SLC1A1: variants seen among roughly 807,000 people sequenced by gnomAD.
SLC1A1 encodes solute carrier family 1 member 1.
In SLC1A1, 43 loss-of-function variants were observed where a neutral mutation model predicts 53.3. The observed-to-expected ratio is 0.81, with a 90% CI of 0.63 to 1.04. The LOEUF (loss-of-function observed/expected upper bound fraction) is 1.04, where lower values mean the gene tolerates loss of function less well. SLC1A1 is among the 50% of genes least tolerant of loss of function. SLC1A1 has a pLI of 0.00. For missense variants in SLC1A1, 748 were observed against 664.9 expected (o/e 1.12, Z -1.37); for synonymous variants, 307 against 243.2 (o/e 1.26, Z -2.44).
intron 2 of SLC1A1, chr9:4,553,269 T>G (rs1190763133): frequency 6.6e-6 from 1 of 151,874 alleles, no homozygotes; most frequent in Non-Finnish European, 1.5e-5. Context: ...TCTGAAAAAC[T>G]GGTCCTAACT....
At position 4,585,935 on chromosome 9, in the gene SLC1A1, T is replaced by A; in HGVS notation, c.*377T>A. Reference sequence around the variant, plus strand: ...TTTAAAAAAAATATTCTGTCATTGGTTACAAATTTTTACTCAGGCTTTCTA... The same window carrying A: ...TTTAAAAAAAATATTCTGTCATTGGATACAAATTTTTACTCAGGCTTTCTA... On this transcript the variant is annotated 3_prime_UTR_variant, in exon 12 of 12. Transcript: ENST00000262352. 1.6e-4 allele frequency: 30 copies of A among 191,054 alleles called. No homozygotes were observed. The highest frequency in any genetic ancestry group is 8.1e-4 in the South Asian group (8 of 9,920). 11.8% of individuals were successfully genotyped at this position (191,054 alleles called of 1,614,324 possible).
intron 11 of SLC1A1, among the ~76,000 whole-genome samples, chr9:4,584,816 G>C (rs1007588020): frequency 2.6e-5 from 4 of 152,108 alleles, no homozygotes; most frequent in Admixed American, 6.6e-5. Flanking sequence ...CTCATAAGTA[G>C]AGTGACCTAG....
intron 1 of SLC1A1, among the ~76,000 whole-genome samples, chr9:4,526,676 A>G (rs551235567): frequency 6.6e-6 from 1 of 152,328 alleles, no homozygotes; most frequent in African/African-American, 2.4e-5. Flanking sequence ...CAAAGAATCA[A>G]TAATTCAGAT....
chr9:4,499,788 T>A (rs1257708143), intron 1 of SLC1A1, among the ~76,000 whole-genome samples: 2 of 152,194 alleles, frequency 1.3e-5, no homozygotes, highest in Non-Finnish European at 2.9e-5. Flanking sequence ...TTTAGTACAG[T>A]AAAACTACAA....
chr9:4,576,024 T>C lies in SLC1A1; in HGVS notation c.899T>C (p.Ile300Thr), dbSNP rs1820512514. ...AGGCTTGCAATCCACTCCATTGTAA[T>C]TCTCCCGCTGATATATTTCATAGTC... ...LTGLAIHSIV[I>T]LPLIYFIVVR... The change falls in exon 9 of 12, where the codon ATT becomes ACT. Residue 300 changes from isoleucine (I) to threonine (T), a missense_variant. By Grantham distance (89) the Ile-to-Thr change is moderately conservative. Transcript: ENST00000262352. 6.2e-7 allele frequency: 1 copy of C among 1,614,142 alleles called. No individual in the cohort carries two copies. The highest frequency in any genetic ancestry group is 8.5e-7 in the Non-Finnish European group (1 of 1,179,944).
chr9:4,527,830 G>A (rs142252574), intron 1 of SLC1A1, among the ~76,000 whole-genome samples: 1 of 151,998 alleles, frequency 6.6e-6, no homozygotes, highest in African/African-American at 2.4e-5. Flanking sequence ...TGGCAAAGTG[G>A]TAAGTCTTCT....
intron 10 of SLC1A1, among the ~76,000 whole-genome samples, chr9:4,582,747 TCTTA>T (rs1821215997): frequency 6.6e-6 from 1 of 152,192 alleles, no homozygotes; most frequent in South Asian, 2.1e-4. Flanking sequence ...TGAGTATCTC[TCTTA>T]CTTATTTTTT....
chr9:4,503,880 C>A (rs1040018500), intron 1 of SLC1A1, among the ~76,000 whole-genome samples: 3 of 148,222 alleles, frequency 2.0e-5, no homozygotes, highest in Non-Finnish European at 2.9e-5. Flanking sequence ...CTTTGATGAA[C>A]CAATCCCATT....
At chr9:4,492,109 C>G (rs1820256430) in intron 1 of SLC1A1, among the ~76,000 whole-genome samples, 2 of 152,016 alleles carry the variant, frequency 1.3e-5, no homozygotes, top group Non-Finnish European at 2.9e-5. Flanking sequence ...AGAAGCAAAT[C>G]TTGACTATTT....
chr9:4,545,971 T>G (rs1817458909), intron 2 of SLC1A1, among the ~76,000 whole-genome samples: 1 of 152,128 alleles, frequency 6.6e-6, no homozygotes, highest in African/African-American at 2.4e-5. Context: ...CAATTAGAAG[T>G]CGTGACATGT....
intron 11 of SLC1A1, among the ~76,000 whole-genome samples, chr9:4,584,050 C>T (rs1040655699): frequency 1.3e-5 from 2 of 152,234 alleles, no homozygotes; most frequent in South Asian, 4.1e-4. Context: ...AGGTCTGGCT[C>T]TGTCCCCTGG....
chr9:4,575,699 A>C (rs1186935093), intron 8 of SLC1A1, among the ~76,000 whole-genome samples: 1 of 152,222 alleles, frequency 6.6e-6, no homozygotes, highest in East Asian at 1.9e-4. Flanking sequence ...ACTTTTGTGC[A>C]TGTGGCAGGA....
At chr9:4,502,290 G>C (rs1213442749) in intron 1 of SLC1A1, among the ~76,000 whole-genome samples, 1 of 148,098 alleles carries the variant, frequency 6.8e-6, no homozygotes, top group Non-Finnish European at 1.5e-5. Flanking sequence ...AGGGGGCTGA[G>C]GTGAGAGGAT....
rs769183739 is a variant in SLC1A1 at position 4,544,690 on chromosome 9, T to C, written c.215T>C (p.Ile72Thr). ...MLKLIILPLI[I>T]SSMITGVAAL... ...AAACTCATCATTTTGCCATTAATTA[T>C]ATCCAGCATGATTACAGGTACCTTG... is the stretch of plus-strand genomic sequence containing the variant. The change falls in exon 2 of 12, where the codon ATA becomes ACA. Residue 72 changes from isoleucine (I) to threonine (T), a missense_variant. Physicochemically the swap from Ile to Thr is moderately conservative, Grantham distance 89 (BLOSUM62 -1). Transcript: ENST00000262352. 10 of 1,613,492 alleles carry C rather than the reference T, an allele frequency of 6.2e-6. No individual in the cohort carries two copies. The highest frequency in any genetic ancestry group is 8.5e-6 in the Non-Finnish European group (10 of 1,179,490).
chr9:4,572,907 T>C (rs1271346126), intron 7 of SLC1A1, among the ~76,000 whole-genome samples: 5 of 152,158 alleles, frequency 3.3e-5, no homozygotes, highest in Non-Finnish European at 1.5e-5. Context: ...TGAACAGAAG[T>C]CTAGCTATCA....
At chr9:4,532,499 G>A (rs1243750795) in intron 1 of SLC1A1, among the ~76,000 whole-genome samples, 1 of 152,120 alleles carries the variant, frequency 6.6e-6, no homozygotes, top group Non-Finnish European at 1.5e-5. Flanking sequence ...GAAGTGAGAA[G>A]AGAAGTTTAG....
At chr9:4,572,509 T>G in intron 7 of SLC1A1, 121 bp downstream of exon 7, 2 of 900,864 alleles carry the variant, frequency 2.2e-6, no homozygotes, top group Non-Finnish European at 3.7e-6. Flanking sequence ...CATTTAATAT[T>G]GAACCACCAG....
At chr9:4,516,619 T>C (rs1586704142) in intron 1 of SLC1A1, among the ~76,000 whole-genome samples, 1 of 152,208 alleles carries the variant, frequency 6.6e-6, no homozygotes, top group East Asian at 1.9e-4. Flanking sequence ...TATAAACAGC[T>C]GTCAACTGCC....
intron 2 of SLC1A1, among the ~76,000 whole-genome samples, chr9:4,544,928 A>C (rs1009819823): frequency 1.3e-5 from 2 of 152,230 alleles, no homozygotes; most frequent in Admixed American, 6.5e-5. Context: ...TGGGCGAAGC[A>C]GGAAGAGCCC....
Sources: allele counts gnomAD v4.1 joint callset (sites outside exome capture counted in the v4.1 genomes callset), GRCh38; gene constraint gnomAD v4.1.1; transcripts MANE v1.5; gene names NCBI Gene and HGNC (gene_info 2026-07-23, HGNC 2026-07-21).